The following SPAG17 variants were observed in gnomAD, a reference collection of about 807,000 sequenced individuals.
SPAG17 encodes sperm associated antigen 17, also known as sperm-associated antigen 17.
A neutral mutation model predicts 273.6 loss-of-function variants in SPAG17; 169 were observed. The observed-to-expected ratio is 0.62, with a 90% CI of 0.55 to 0.70. SPAG17 has a LOEUF of 0.70. Among genes scored for constraint, SPAG17 ranks in the 30% least tolerant of loss-of-function variants. SPAG17 has a pLI of 0.00. For synonymous variants in SPAG17, 825 were observed against 873.2 expected (o/e 0.94, Z 0.97); for missense variants, 2,557 against 2,627.8 (o/e 0.97, Z 0.59).
Position 118,081,058 on chromosome 1 carries a change from T to TACAC in SPAG17, c.2209+39_2209+42dup, listed in dbSNP as rs56768861. 2.9e-3 allele frequency: 3,485 copies of TACAC among 1,213,126 alleles called. 16 individuals carry two copies. Among genetic ancestry groups the TACAC allele is most frequent in the African/African-American group, 0.024 (1,566 of 66,186 alleles). 75.1% of individuals were successfully genotyped at this position (1,213,126 alleles called of 1,614,324 possible). A position where few individuals can be genotyped will look rare whatever the true frequency, so the allele number is the denominator to read the frequency against. On this transcript the variant is annotated intron_variant, in intron 15 of 48. Coordinates refer to ENST00000336338, the MANE Select transcript of SPAG17 (RefSeq NM_206996.4). ...ATTTATGTGTACTATAATAGTGTCT[T>TACAC]ACACACACACACACACACACACACA... is the stretch of plus-strand genomic sequence containing the variant.
intron 35 of SPAG17, 89 bp downstream of exon 35, chr1:117,994,317 A>C: frequency 7.6e-7 from 1 of 1,322,988 alleles, no homozygotes. Flanking sequence ...AAATATATGA[A>C]TATATGGGAG....
intron 3 of SPAG17, among the ~76,000 whole-genome samples, chr1:118,147,565 T>C (rs1445640524): frequency 6.6e-6 from 1 of 152,190 alleles, no homozygotes; most frequent in Non-Finnish European, 1.5e-5. Flanking sequence ...AATGAACAAA[T>C]GAGCTGCAGC....
At chr1:117,957,640 A>T (rs890933337) in intron 48 of SPAG17, among the ~76,000 whole-genome samples, 1 of 152,234 alleles carries the variant, frequency 6.6e-6, no homozygotes, top group Non-Finnish European at 1.5e-5. Flanking sequence ...ATGGCTTTGA[A>T]TGTGGCCCAA....
At chr1:118,005,732 T>C (rs991972191) in intron 31 of SPAG17, 130 bp from the exon 32 acceptor site, 1 of 617,998 alleles carries the variant, frequency 1.6e-6, no homozygotes, top group Non-Finnish European at 2.5e-6. Context: ...GAGGAAAACA[T>C]TAATCAAGGG....
Position 118,099,819 on chromosome 1 carries a change from A to G in SPAG17, c.635-19T>C. Reference sequence around the variant, plus strand: ...TCATCGTCTGTTCAAAATACCATAAAGAAGAGCAGCCATCATTGTAAAAGA... The same window carrying G: ...TCATCGTCTGTTCAAAATACCATAAGGAAGAGCAGCCATCATTGTAAAAGA... On this transcript the variant is annotated intron_variant, in intron 5 of 48. Transcript: ENST00000336338. The G allele has an allele frequency of 6.2e-7, 1 of 1,605,332 alleles. No individual in the cohort carries two copies. Among genetic ancestry groups the G allele is most frequent in the Non-Finnish European group, 8.5e-7 (1 of 1,174,984 alleles).
chr1:118,143,701 T>G (rs1658807920), intron 3 of SPAG17, among the ~76,000 whole-genome samples: 1 of 152,144 alleles, frequency 6.6e-6, no homozygotes, highest in Non-Finnish European at 1.5e-5. Flanking sequence ...AACAGAATGA[T>G]ACAATCTTCT....
In SPAG17 at chr1:118,008,202, CA is replaced by C; in HGVS notation, c.4433-5del. 1 of 1,613,432 alleles carries C rather than the reference CA, an allele frequency of 6.2e-7. No individual in the cohort carries two copies. Among genetic ancestry groups the C allele is most frequent in the African/African-American group, 1.3e-5 (1 of 75,028 alleles). ...GTGACAGTCCGAGGACCCTCGGCTA[CA>C]AGCAAATGCAAGGTAAGCAGATCTG... On this transcript the variant is annotated splice_polypyrimidine_tract_variant and splice_region_variant and intron_variant, in intron 30 of 48. Coordinates refer to ENST00000336338, the MANE Select transcript of SPAG17 (RefSeq NM_206996.4).
At chr1:118,168,149 A>C (rs950451357) in intron 1 of SPAG17, among the ~76,000 whole-genome samples, 1 of 152,190 alleles carries the variant, frequency 6.6e-6, no homozygotes, top group Non-Finnish European at 1.5e-5. Context: ...GAATGGGCTT[A>C]TATTGATGAA....
intron 3 of SPAG17, among the ~76,000 whole-genome samples, chr1:118,147,948 T>C (rs769567151): frequency 2.0e-5 from 3 of 152,124 alleles, no homozygotes; most frequent in Non-Finnish European, 4.4e-5. Flanking sequence ...TGATTAAAAT[T>C]GTGTTTAAAA....
chr1:118,007,919 T>C, intron 31 of SPAG17, 125 bp downstream of exon 31: 1 of 912,986 alleles, frequency 1.1e-6, no homozygotes. Flanking sequence ...AAGATGTTAG[T>C]ATTATAAGAG....
intron 2 of SPAG17, among the ~76,000 whole-genome samples, 193 bp downstream of exon 2, chr1:118,151,036 A>G (rs1659349183): frequency 6.6e-6 from 1 of 152,260 alleles, no homozygotes; most frequent in Non-Finnish European, 1.5e-5. Flanking sequence ...TATTGAATTA[A>G]CAAAATTAAT....
At chr1:118,096,981 T>A (rs1016977723) in intron 7 of SPAG17, among the ~76,000 whole-genome samples, 2 of 152,122 alleles carry the variant, frequency 1.3e-5, no homozygotes, top group African/African-American at 4.8e-5. Context: ...ACGCCTGTAA[T>A]CCTAGCACTT....
intron 3 of SPAG17, among the ~76,000 whole-genome samples, chr1:118,124,921 T>C (rs1459486239): frequency 6.6e-6 from 1 of 152,172 alleles, no homozygotes; most frequent in African/African-American, 2.4e-5. Context: ...TGGGTCACGG[T>C]CCCTCTTCTC....
chr1:118,012,750 T>A (rs1158374588), intron 29 of SPAG17, among the ~76,000 whole-genome samples: 1 of 152,156 alleles, frequency 6.6e-6, no homozygotes, highest in Non-Finnish European at 1.5e-5. Flanking sequence ...GTGGCTGCCT[T>A]GTGTGCTGTG....
intron 45 of SPAG17, 48 bp from the exon 46 acceptor site, chr1:117,970,164 T>C (rs373810899): frequency 1.9e-6 from 3 of 1,560,338 alleles, no homozygotes; most frequent in South Asian, 1.1e-5. Context: ...ATGAAACCCA[T>C]GAGCAATGAA....
intron 3 of SPAG17, among the ~76,000 whole-genome samples, chr1:118,126,048 T>TTG (rs1020945222): frequency 3.3e-5 from 5 of 151,138 alleles, no homozygotes; most frequent in Admixed American, 6.6e-5. Flanking sequence ...TTTCTGTTTT[T>TTG]TTTTTTTTTT....
chr1:118,030,362 G>A (rs983377182), intron 25 of SPAG17, among the ~76,000 whole-genome samples: 2 of 151,102 alleles, frequency 1.3e-5, no homozygotes, highest in African/African-American at 2.4e-5. Flanking sequence ...CAATAGTCAA[G>A]ACTTAACCAG....
chr1:118,086,113 G>A, intron 12 of SPAG17, 41 bp from the exon 13 acceptor site: 17 of 1,591,222 alleles, frequency 1.1e-5, no homozygotes, highest in Non-Finnish European at 1.5e-5. Context: ...ATTAGAGTAA[G>A]CTGTTAAGTG....
intron 20 of SPAG17, among the ~76,000 whole-genome samples, chr1:118,043,707 A>G (rs563199356): frequency 3.9e-5 from 6 of 152,204 alleles, no homozygotes; most frequent in Non-Finnish European, 8.8e-5. Context: ...ATTGTTTATT[A>G]TCTAGATTTA....
Sources: allele counts gnomAD v4.1 joint callset (sites outside exome capture counted in the v4.1 genomes callset), GRCh38; gene constraint gnomAD v4.1.1; transcripts MANE v1.5; gene names NCBI Gene and HGNC (gene_info 2026-07-23, HGNC 2026-07-21).